Variants in SV2B observed in about 807,000 individuals in gnomAD.
SV2B encodes the protein synaptic vesicle glycoprotein 2B, also known as solute carrier family 22 member B2.
Under a neutral mutation model 73.9 loss-of-function variants are expected in SV2B, and 41 were observed. The ratio of observed to expected loss-of-function variants is 0.56; its 90% CI spans 0.43 to 0.72. The LOEUF is 0.72. Among genes scored for constraint, SV2B ranks in the 30% least tolerant of loss-of-function variants. The pLI, the probability that SV2B is intolerant of heterozygous loss-of-function variation, is 0.00. For synonymous variants in SV2B, 314 were observed against 314.2 expected (o/e 1.00, Z 0.01); for missense variants, 764 against 857.8 (o/e 0.89, Z 1.37).
intron 9 of SV2B, among the ~76,000 whole-genome samples, chr15:91,273,994 G>T (rs2048402197): frequency 6.6e-6 from 1 of 152,182 alleles, no homozygotes; most frequent in African/African-American, 2.4e-5. Flanking sequence ...TATGCAACTT[G>T]TTTTTTGTGT....
rs144735429 is a variant in SV2B at position 91,226,626 on chromosome 15, C to T, written c.363C>T (p.Ala121=). The T allele has an allele frequency of 1.7e-4, 278 of 1,613,962 alleles. No individual in the cohort carries two copies. Among genetic ancestry groups the T allele is most frequent in the Middle Eastern group, 6.6e-4 (4 of 6,084 alleles). The change falls in exon 2 of 13, where the codon GCC becomes GCT. Residue 121 remains alanine (A), a synonymous_variant. Coordinates refer to ENST00000394232, the MANE Select transcript of SV2B (RefSeq NM_001323032.3). ...TCGTCTTGGGTTTGGCCCTGATGGC[C>T]GATGGGGTGGAAGTGTTCGTGGTGA... ...LFFVLGLALM[A]DGVEVFVVSF...
At chr15:91,158,188 AGGG>A (rs1243734317) in intron 1 of SV2B, among the ~76,000 whole-genome samples, 2 of 152,118 alleles carry the variant, frequency 1.3e-5, no homozygotes, top group African/African-American at 4.8e-5. Flanking sequence ...TTGGGTCAAG[AGGG>A]CTCTGCCCTT....
At position 91,106,041 on chromosome 15, in the gene SV2B, T is replaced by G. The variant is rs573421213; in HGVS notation, c.-392+5678T>G. Among the ~76,000 whole-genome samples the G allele has an allele frequency of 1.3e-5, 2 of 152,034 alleles. No individual in the cohort carries two copies. The highest frequency in any genetic ancestry group is 4.2e-4 in the South Asian group (2 of 4,796). ...CTCCAGCCTGGACAATGGATTGAGA[T>G]CATGTCAAAAATAAATAAAAATAAA... On this transcript the variant is annotated intron_variant, in intron 1 of 12. Transcript: ENST00000394232. This position sits in a 1 kb window ranked among gnomAD's most constrained non-coding sequence, Gnocchi z 4.4.
intron 2 of SV2B, among the ~76,000 whole-genome samples, chr15:91,249,661 G>C (rs929491339): frequency 6.6e-6 from 1 of 152,108 alleles, no homozygotes; most frequent in African/African-American, 2.4e-5. Context: ...AATAAAATTA[G>C]AAATGAAATG....
chr15:91,144,865 C>T lies in SV2B; in HGVS notation c.-392+44502C>T, dbSNP rs60159398. Among the ~76,000 whole-genome samples the T allele has an allele frequency of 8.0e-3, 1,198 of 149,358 alleles. 18 individuals carry two copies. Among genetic ancestry groups the T allele is most frequent in the African/African-American group, 0.029 (1,157 of 40,472 alleles). On this transcript the variant is annotated intron_variant, in intron 1 of 12. Coordinates refer to ENST00000394232, the MANE Select transcript of SV2B (RefSeq NM_001323032.3). ...ATTAATGTGTGCATACAGAAGGTTG[C>T]TGTTTTCCTTAAGGTGTGATGAAGA...
intron 1 of SV2B, among the ~76,000 whole-genome samples, chr15:91,161,408 C>T (rs2043713176): frequency 2.0e-5 from 3 of 152,054 alleles, no homozygotes; most frequent in Non-Finnish European, 1.5e-5. Flanking sequence ...TTGTGAAAAA[C>T]AGGTCGTTAA....
Position 91,232,201 on chromosome 15 carries a change from C to T in SV2B, c.451+5487C>T, listed in dbSNP as rs929946620. 1.3e-5 allele frequency among the ~76,000 whole-genome samples: 2 copies of T among 152,118 alleles called. No individual in the cohort carries two copies. Among genetic ancestry groups the T allele is most frequent in the African/African-American group, 2.4e-5 (1 of 41,406 alleles). On this transcript the variant is annotated intron_variant, in intron 2 of 12. Coordinates refer to ENST00000394232, the MANE Select transcript of SV2B (RefSeq NM_001323032.3). This position sits in a 1 kb window ranked among gnomAD's most constrained non-coding sequence, Gnocchi z 4.7. The stretch of plus-strand genomic sequence containing the variant: ...TATGTCCTCAGTGACCAAGTATTTA[C>T]CTACTTACTCATGATGGTGAAATCC...
At position 91,179,360 on chromosome 15, in the gene SV2B, A is replaced by G. The variant is rs972305642; in HGVS notation, c.-391-46513A>G. ...GGTGTGGTGTGGTGCTGAAAAAAATATATATTTTGTTGATTTGGGGTGGAG... is the reference window on the plus strand; with the variant it reads ...GGTGTGGTGTGGTGCTGAAAAAAATGTATATTTTGTTGATTTGGGGTGGAG... On this transcript the variant is annotated intron_variant, in intron 1 of 12. Coordinates refer to ENST00000394232, the MANE Select transcript of SV2B (RefSeq NM_001323032.3). 4.3e-3 allele frequency among the ~76,000 whole-genome samples: 648 copies of G among 152,158 alleles called. 3 individuals are homozygous for G. Among genetic ancestry groups the G allele is most frequent in the Middle Eastern group, 0.027 (8 of 294 alleles).
At position 91,105,137 on chromosome 15, in the gene SV2B, G is replaced by A. The variant is rs2041847387; in HGVS notation, c.-392+4774G>A. On this transcript the variant is annotated intron_variant, in intron 1 of 12. Coordinates refer to ENST00000394232, the MANE Select transcript of SV2B (RefSeq NM_001323032.3). This position sits in a 1 kb window ranked among gnomAD's most constrained non-coding sequence, Gnocchi z 5.5. The stretch of plus-strand genomic sequence containing the variant: ...GTCTCTATGTGCCAGGCATGTTATA[G>A]GAAGTAGACCCATCTCATGAAGCAT... Among the ~76,000 whole-genome samples, 1 of 152,142 alleles carries A rather than the reference G, an allele frequency of 6.6e-6. No homozygotes were observed. The highest frequency in any genetic ancestry group is 2.1e-4 in the South Asian group (1 of 4,826).
intron 1 of SV2B, among the ~76,000 whole-genome samples, chr15:91,190,582 C>T (rs1050275994): frequency 3.9e-5 from 6 of 152,050 alleles, no homozygotes; most frequent in African/African-American, 1.2e-4. Context: ...TTTAAATTTT[C>T]ATTTTTGTTT....
At chr15:91,111,604 G>T (rs2151728810) in intron 1 of SV2B, among the ~76,000 whole-genome samples, 1 of 152,266 alleles carries the variant, frequency 6.6e-6, no homozygotes, top group East Asian at 1.9e-4. Context: ...GATAGGGAAT[G>T]GTTTCAGGAG....
At chr15:91,172,385 AG>A (rs1361633203) in intron 1 of SV2B, among the ~76,000 whole-genome samples, 3 of 152,202 alleles carry the variant, frequency 2.0e-5, no homozygotes, top group Non-Finnish European at 4.4e-5. Context: ...GCTCTGTGCT[AG>A]GCACGGGGCC....
At position 91,223,512 on chromosome 15, in the gene SV2B, C is replaced by T. The variant is rs1185091340; in HGVS notation, c.-391-2361C>T. ...AACCTTTGCCCTGGGTGGTGAGTCC[C>T]ACAAGTGCTTTTGGAATTGCAAGTC... On this transcript the variant is annotated intron_variant, in intron 1 of 12. Transcript: ENST00000394232. The surrounding 1 kb of genome is among the most constrained non-coding windows in gnomAD (Gnocchi z 4.6). Among the ~76,000 whole-genome samples the T allele has an allele frequency of 6.6e-6, 1 of 152,116 alleles. No homozygotes were observed. Among genetic ancestry groups the T allele is most frequent in the Admixed American group, 6.5e-5 (1 of 15,272 alleles).
At chr15:91,257,429 A>T (rs559355056) in intron 4 of SV2B, among the ~76,000 whole-genome samples, 111 of 152,326 alleles carry the variant, frequency 7.3e-4, no homozygotes, top group African/African-American at 2.3e-3. Context: ...TTTGCTACCC[A>T]TGAGGATATT....
At chr15:91,262,734 G>A (rs1296238456) in intron 6 of SV2B, among the ~76,000 whole-genome samples, 1 of 152,164 alleles carries the variant, frequency 6.6e-6, no homozygotes, top group Non-Finnish European at 1.5e-5. Context: ...TAAGAAGCAC[G>A]ATGAACAGAA....
chr15:91,289,959 C>G lies in SV2B; in HGVS notation c.1868+279C>G, dbSNP rs1465430136. Among the ~76,000 whole-genome samples the G allele has an allele frequency of 6.6e-6, 1 of 152,068 alleles. No homozygotes were observed. Among genetic ancestry groups the G allele is most frequent in the Non-Finnish European group, 1.5e-5 (1 of 68,014 alleles). On this transcript the variant is annotated intron_variant, in intron 12 of 12. Coordinates refer to ENST00000394232, the MANE Select transcript of SV2B (RefSeq NM_001323032.3). The surrounding 1 kb of genome is among the most constrained non-coding windows in gnomAD (Gnocchi z 4.9). ...AAATAAGAGTGAAAAGTTGGTAAAA[C>G]CATATGTGTCATGTAATCCACAAGA...
rs1011241839 is a variant in SV2B, at chr15:91,122,065, C to T, written c.-392+21702C>T. On this transcript the variant is annotated intron_variant, in intron 1 of 12. Transcript: ENST00000394232. This position sits in a 1 kb window ranked among gnomAD's most constrained non-coding sequence, Gnocchi z 4.3. ...CTGGGATTACAGGCGTGAGCCACTG[C>T]GCCCGGCCCAATGGTGTTTTAAAAG... Among the ~76,000 whole-genome samples the T allele has an allele frequency of 3.9e-5, 6 of 152,308 alleles. No individual in the cohort carries two copies. Among genetic ancestry groups the T allele is most frequent in the South Asian group, 4.1e-4 (2 of 4,828 alleles).
rs889244666 is a variant in SV2B, at chr15:91,168,364, G to C, written c.-391-57509G>C. Reference sequence around the variant, plus strand: ...TTTCTCACACACTCTTCAGACCAAAGAGGCCAATTTCTCTGGCCAATGAGT... The same window carrying C: ...TTTCTCACACACTCTTCAGACCAAACAGGCCAATTTCTCTGGCCAATGAGT... On this transcript the variant is annotated intron_variant, in intron 1 of 12. Transcript: ENST00000394232. Among the ~76,000 whole-genome samples the C allele has an allele frequency of 4.7e-5, 7 of 147,376 alleles. No homozygotes were observed. In the East Asian group the frequency reaches 1.4e-3, roughly 29 times the overall value.
At chr15:91,272,026 C>T (rs543942236) in intron 9 of SV2B, among the ~76,000 whole-genome samples, 3 of 152,272 alleles carry the variant, frequency 2.0e-5, no homozygotes, top group Admixed American at 2.0e-4. Flanking sequence ...CTATTGAAAC[C>T]TCAGTTTCAT....
Sources: gnomAD v4.1 joint callset for allele counts (sites outside exome capture counted in the v4.1 genomes callset) on GRCh38, gnomAD v4.1.1 for gene constraint, Gnocchi (gnomAD v3.1) non-coding constraint, MANE v1.5 for transcripts, NCBI Gene and HGNC (gene_info 2026-07-23, HGNC 2026-07-21) for gene names.